PLCD1: variants seen among roughly 807,000 people sequenced by gnomAD.
PLCD1 encodes phospholipase C delta 1.
PLCD1 carries 71 observed loss-of-function variants against 87.4 expected under a neutral mutation model. The observed-to-expected ratio is 0.81, with a 90% CI of 0.67 to 0.99. The LOEUF (loss-of-function observed/expected upper bound fraction) is 0.99, where lower values mean the gene tolerates loss of function less well. Among genes scored for constraint, PLCD1 ranks in the 50% least tolerant of loss-of-function variants. The pLI is 0.00. For missense variants in PLCD1, 867 were observed against 1,001.5 expected (o/e 0.87, Z 1.81); for synonymous variants, 348 against 399.2 (o/e 0.87, Z 1.53).
At chr3:38,010,938 T>G (rs887485912) in intron 5 of PLCD1, among the ~76,000 whole-genome samples, 1 of 152,112 alleles carries the variant, frequency 6.6e-6, no homozygotes, top group Admixed American at 6.5e-5. Context: ...CATCTGCTTT[T>G]CAGCCATCTC....
At chr3:38,008,763 C>T (rs1025729159) in intron 11 of PLCD1, 127 bp from the exon 12 acceptor site, 3 of 840,000 alleles carry the variant, frequency 3.6e-6, no homozygotes, top group African/African-American at 3.4e-5. Flanking sequence ...CACTCCAATG[C>T]CTGCTGCCCT....
intron 1 of PLCD1, chr3:38,024,509 A>G (rs1163622344): frequency 1.9e-6 from 3 of 1,540,010 alleles, no homozygotes; most frequent in Admixed American, 3.9e-5. Context: ...TGCTCACAAC[A>G]CCCTCTGCTC....
intron 5 of PLCD1, 24 bp downstream of exon 5, chr3:38,011,190 A>G: frequency 6.4e-7 from 1 of 1,560,608 alleles, no homozygotes; most frequent in Non-Finnish European, 8.8e-7. Flanking sequence ...GACTGCAGGT[A>G]GCAGGCCCTG....
At chr3:38,016,047 C>A (rs568752857) in intron 3 of PLCD1, among the ~76,000 whole-genome samples, 1 of 152,272 alleles carries the variant, frequency 6.6e-6, no homozygotes, top group South Asian at 2.1e-4. Context: ...GAATTGTATA[C>A]CCCACCCCCC....
At chr3:38,014,787 A>G (rs1363087441) in intron 3 of PLCD1, 3 of 152,354 alleles carry the variant, frequency 2.0e-5, no homozygotes, top group African/African-American at 7.2e-5. Context: ...CTCAATAATA[A>G]AGACAAATGA....
intron 2 of PLCD1, 36 bp downstream of exon 2, chr3:38,020,152 A>G (rs201399404): frequency 4.1e-4 from 657 of 1,593,544 alleles, no homozygotes; most frequent in Non-Finnish European, 5.1e-4. Context: ...CAGATTCCAC[A>G]CTCTATCCCC....
chr3:38,026,730 G>A (rs1417582700), intron 1 of PLCD1, among the ~76,000 whole-genome samples: 18 of 152,142 alleles, frequency 1.2e-4, no homozygotes, highest in African/African-American at 4.3e-4. Context: ...TAAGAGCTCT[G>A]GAATCATCAT....
intron 1 of PLCD1, among the ~76,000 whole-genome samples, chr3:38,027,612 C>T (rs2268749): frequency 0.74 from 112,680 of 152,134 alleles, 42,530 homozygotes; most frequent in African/African-American, 0.89. Flanking sequence ...CCCAGGCCAA[C>T]AGAAGGAGTC....
Position 38,008,504 on chromosome 3 carries a change from G to A in PLCD1, c.1856C>T (p.Ala619Val). The A allele has an allele frequency of 6.2e-7, 1 of 1,614,200 alleles. No homozygotes were observed. The highest frequency in any genetic ancestry group is 8.5e-7 in the Non-Finnish European group (1 of 1,180,026). ...RDPNGTFNPR[A>V]LAQGPWWARK... ...TGCCCACCAGGGCCCCTGAGCCAGG[G>A]CGCGGGGGTTAAAGGTGCCGTTGGG... is the stretch of plus-strand genomic sequence containing the variant. Residue 619 changes from alanine to valine, a missense_variant, in exon 12 of 15, where the codon GCC becomes GTC. By Grantham distance (64) the Ala-to-Val change is moderately conservative (BLOSUM62 0). Transcript: ENST00000334661.
intron 1 of PLCD1, chr3:38,024,441 C>T (rs772723571): frequency 1.2e-6 from 2 of 1,609,988 alleles, no homozygotes; most frequent in Non-Finnish European, 1.7e-6. Context: ...CATGGCCCTC[C>T]ACAGTGCCCC....
Position 38,010,271 on chromosome 3 carries a change from G to A in PLCD1, c.997C>T (p.Leu333=). 1 of 1,614,246 alleles carries A rather than the reference G, an allele frequency of 6.2e-7. No homozygotes were observed. The highest frequency in any genetic ancestry group is 8.5e-7 in the Non-Finnish European group (1 of 1,180,046). Reference sequence around the variant, plus strand: ...TCCAGGCATCGGCAGCCTTTGCACAGTGCCCTGCGGGGAGGGTGGTGGCTA... The same window carrying A: ...TCCAGGCATCGGCAGCCTTTGCACAATGCCCTGCGGGGAGGGTGGTGGCTA... ...PSSTEAYIRA[L]CKGCRCLELD... The change falls in exon 7 of 15, where the codon CTG becomes TTG. Residue 333 remains leucine (L), a synonymous_variant. Transcript: ENST00000334661.
In PLCD1 at chr3:38,017,929, C is replaced by T. The variant is rs1414912237; in HGVS notation, c.200-1210G>A. 6.6e-6 allele frequency among the ~76,000 whole-genome samples: 1 copy of T among 152,150 alleles called. No homozygotes were observed. The highest frequency in any genetic ancestry group is 1.5e-5 in the Non-Finnish European group (1 of 68,014). On this transcript the variant is annotated intron_variant, in intron 2 of 14. Transcript: ENST00000334661. The surrounding 1 kb of genome is among the most constrained non-coding windows in gnomAD (Gnocchi z 4.7). Reference sequence around the variant, plus strand: ...GCCCCTGGTGACCCACACGGCCGCACACAGGGTGCAGCTGCAGCTGCCTGG... The same window carrying T: ...GCCCCTGGTGACCCACACGGCCGCATACAGGGTGCAGCTGCAGCTGCCTGG...
In PLCD1 at chr3:38,025,099, G is replaced by A. The variant is rs113810664; in HGVS notation, c.34+4407C>T. On this transcript the variant is annotated intron_variant, in intron 1 of 14. Coordinates refer to ENST00000334661, the MANE Select transcript of PLCD1 (RefSeq NM_006225.4). This position sits in a 1 kb window ranked among gnomAD's most constrained non-coding sequence, Gnocchi z 4.0. Reference sequence around the variant, plus strand: ...CGGGAGCCTCTGCTCCAGAGGCGACGTGGAGGCAGAGCCATACCCAGGAAG... The same window carrying A: ...CGGGAGCCTCTGCTCCAGAGGCGACATGGAGGCAGAGCCATACCCAGGAAG... Among the ~76,000 whole-genome samples the A allele has an allele frequency of 0.018, 2,755 of 152,052 alleles. 43 individuals are homozygous for A. The highest frequency in any genetic ancestry group is 0.047 in the African/African-American group (1,939 of 41,480).
chr3:38,020,131 C>T, intron 2 of PLCD1, 57 bp downstream of exon 2: 3 of 1,490,438 alleles, frequency 2.0e-6, no homozygotes, highest in Non-Finnish European at 2.8e-6. Flanking sequence ...TTGTATTTAC[C>T]CAGCCCTGAG....
At position 38,020,275 on chromosome 3, in the gene PLCD1, T is replaced by G. The variant is rs370637704; in HGVS notation, c.112A>C (p.Arg38=). The change falls in exon 2 of 15, where the codon AGA becomes CGA. Residue 38 remains arginine, a synonymous_variant. Transcript: ENST00000334661. ...LLKVKSSSWR[R]ERFYKLQEDC... The stretch of plus-strand genomic sequence containing the variant: ...TCCTGCAACTTGTAGAAGCGCTCTC[T>G]CCTCCATGAGCTGGACTTCACCTTC... 155 of 1,613,872 alleles carry G rather than the reference T, an allele frequency of 9.6e-5. No homozygotes were observed. The highest frequency in any genetic ancestry group is 1.6e-4 in the Middle Eastern group (1 of 6,084).
At position 38,011,338 on chromosome 3, in the gene PLCD1, C is replaced by T. The variant is rs752047173; in HGVS notation, c.666G>A (p.Ala222=). The T allele has an allele frequency of 1.3e-4, 202 of 1,612,394 alleles. No homozygotes were observed. In the Admixed American group the frequency reaches 2.1e-3, roughly 17 times the overall value. ...CCACCGACAGAGTCTCCCCTGAGCC[C>T]GCGGCCTCGGCGAAGGTGCGGTCGA... The part of the protein sequence containing the change: ...VEIDRTFAEA[A]GSGETLSVDQ... Residue 222 remains alanine (A), a synonymous_variant, in exon 5 of 15, where the codon GCG becomes GCA. Coordinates refer to ENST00000334661, the MANE Select transcript of PLCD1 (RefSeq NM_006225.4).
chr3:38,015,093 TA>T (rs535439607), intron 3 of PLCD1, among the ~76,000 whole-genome samples: 115 of 152,340 alleles, frequency 7.5e-4, no homozygotes, highest in African/African-American at 2.7e-3. Flanking sequence ...CCAGCGATTC[TA>T]CTCCAAGAGA....
In PLCD1 at chr3:38,025,786, A is replaced by C. The variant is rs534903993; in HGVS notation, c.34+3720T>G. On this transcript the variant is annotated intron_variant, in intron 1 of 14. Transcript: ENST00000334661. This position sits in a 1 kb window ranked among gnomAD's most constrained non-coding sequence, Gnocchi z 4.0. The stretch of plus-strand genomic sequence containing the variant: ...CCCAGTAATTATTTATTGAGCCCCT[A>C]CTGTGTGCCAATGTCAGGACACCAC... Among the ~76,000 whole-genome samples, 14 of 152,244 alleles carry C rather than the reference A, an allele frequency of 9.2e-5. No individual in the cohort carries two copies. The highest frequency in any genetic ancestry group is 3.4e-4 in the African/African-American group (14 of 41,532).
chr3:38,015,514 G>T (rs183687714), intron 3 of PLCD1, among the ~76,000 whole-genome samples: 2 of 152,136 alleles, frequency 1.3e-5, no homozygotes, highest in Non-Finnish European at 2.9e-5. Context: ...TGTGATGATG[G>T]CTGCACAATT....
Sources: allele counts gnomAD v4.1 joint callset (sites outside exome capture counted in the v4.1 genomes callset), GRCh38; gene constraint gnomAD v4.1.1; non-coding constraint Gnocchi (gnomAD v3.1); transcripts MANE v1.5; gene names NCBI Gene and HGNC (gene_info 2026-07-23, HGNC 2026-07-21).